PHLDB1: variants seen among roughly 807,000 people sequenced by gnomAD.
PHLDB1 encodes the protein pleckstrin homology-like domain family B member 1.
In PHLDB1, 65 loss-of-function variants were observed where a neutral mutation model predicts 139.3. The ratio of observed to expected loss-of-function variants is 0.47; its 90% CI spans 0.38 to 0.57. The LOEUF is 0.57. PHLDB1 is among the 20% of genes least tolerant of loss of function. The probability of loss-of-function intolerance (pLI) is 0.00; values close to 1 mark genes in which losing one functional copy is unlikely to be tolerated. For synonymous variants in PHLDB1, 679 were observed against 734.5 expected (o/e 0.92, Z 1.22); for missense variants, 1,624 against 1,839.7 (o/e 0.88, Z 2.14).
rs1941243342 is a variant in PHLDB1 at position 118,614,756 on chromosome 11, C to T, written c.184+74C>T. On this transcript the variant is annotated intron_variant, in intron 3 of 22. Coordinates refer to ENST00000600882, the MANE Select transcript of PHLDB1 (RefSeq NM_001144758.3). The stretch of plus-strand genomic sequence containing the variant: ...CATTCCTGCCCTGGAGGCCCACCTC[C>T]TGCATGTGTTGGGGCCCTTCTACTG... 2.0e-6 allele frequency: 3 copies of T among 1,503,838 alleles called. No individual in the cohort carries two copies. In the Admixed American group the frequency reaches 5.3e-5, roughly 27 times the overall value. The allele number at this position is 1,503,838 out of a possible 1,614,324, so 93.2% of individuals were successfully genotyped here.
intron 4 of PHLDB1, among the ~76,000 whole-genome samples, chr11:118,618,804 T>C (rs1942183380): frequency 6.6e-6 from 1 of 151,636 alleles, no homozygotes; most frequent in African/African-American, 2.4e-5. Flanking sequence ...TGGCCTTAGA[T>C]GCATCATTCT....
At chr11:118,643,775 A>C in intron 13 of PHLDB1, 25 bp from the exon 14 acceptor site, 1 of 1,614,072 alleles carries the variant, frequency 6.2e-7, no homozygotes, top group Non-Finnish European at 8.5e-7. Flanking sequence ...GCCAGGAATC[A>C]CTGGGCACTA....
rs1555111439 is a variant in PHLDB1 at position 118,632,025 on chromosome 11, A to G, written c.2213A>G (p.Glu738Gly). ...EQLKVRVKELEQQLQESAREA... is the reference protein window; with the variant it reads ...EQLKVRVKELGQQLQESAREA... ...CTCAAGGTCCGTGTGAAGGAGCTAG[A>G]GCAGCAGCTGCAGGAGTCAGCCCGA... Residue 738 changes from glutamate (E) to glycine (G), a missense_variant, in exon 8 of 23, where the codon GAG becomes GGG. Physicochemically the swap from Glu to Gly is moderately conservative, Grantham distance 98. Transcript: ENST00000600882. This position sits in a 1 kb window ranked among gnomAD's most constrained non-coding sequence, Gnocchi z 5.9. 4 of 1,614,070 alleles carry G rather than the reference A, an allele frequency of 2.5e-6. No homozygotes were observed.
intron 3 of PHLDB1, 98 bp from the exon 4 acceptor site, chr11:118,615,943 A>AG: frequency 2.1e-6 from 2 of 973,350 alleles, no homozygotes; most frequent in Non-Finnish European, 3.2e-6. Context: ...TCCCTGGAGT[A>AG]GGAGGTGGAA....
intron 20 of PHLDB1, chr11:118,655,166 A>C (rs1330481802): frequency 1.8e-5 from 3 of 168,790 alleles, no homozygotes; most frequent in African/African-American, 7.2e-5. Flanking sequence ...TGTGTGTGTT[A>C]CTTTGTATAT....
chr11:118,657,685 G>A lies in PHLDB1; in HGVS notation c.*862G>A, dbSNP rs189908348. 3 of 154,034 alleles carry A rather than the reference G, an allele frequency of 1.9e-5. No homozygotes were observed. The East Asian group carries it at 5.8e-4, about 30-fold the overall frequency. 9.5% of individuals were successfully genotyped at this position (154,034 alleles called of 1,614,324 possible). A position where few individuals can be genotyped will look rare whatever the true frequency, so the allele number is the denominator to read the frequency against. On this transcript the variant is annotated 3_prime_UTR_variant, in exon 23 of 23. Transcript: ENST00000600882. ...AGGAGCGATGCAGTTGGGAGAGGAA[G>A]CTAGAAGGGTTATGGTTGGAGTTCT...
At chr11:118,618,694 C>A (rs1282423199) in intron 4 of PHLDB1, among the ~76,000 whole-genome samples, 1 of 151,816 alleles carries the variant, frequency 6.6e-6, no homozygotes, top group Non-Finnish European at 1.5e-5. Flanking sequence ...ATATACAAGA[C>A]GATCATTTTC....
rs782775207 is a variant in PHLDB1 at position 118,627,484 on chromosome 11, C to T, written c.661C>T (p.Pro221Ser). 3.8e-5 allele frequency: 61 copies of T among 1,614,110 alleles called. No individual in the cohort carries two copies. Among genetic ancestry groups the T allele is most frequent in the African/African-American group, 5.3e-5 (4 of 74,930 alleles). The stretch of plus-strand genomic sequence containing the variant: ...TGGCAAGAAGCCTGCCGCAACCTCT[C>T]CACTGTCACCGATGGCTAATGGTGG... The part of the protein sequence containing the change: ...AAGKKPAATS[P>S]LSPMANGGRY... The change falls in exon 6 of 23, where the codon CCA becomes TCA. Residue 221 changes from proline (P) to serine (S), a missense_variant. Pro to Ser is a moderately conservative substitution (Grantham distance 74). Transcript: ENST00000600882.
chr11:118,606,452 GAATTA>G (rs1939308204), upstream of PHLDB1: 1 of 152,226 alleles, frequency 6.6e-6, no homozygotes, highest in East Asian at 1.9e-4. Flanking sequence ...TAAACTCATT[GAATTA>G]GAACAGCACT....
Position 118,645,743 on chromosome 11 carries a change from G to A in PHLDB1, c.3425G>A (p.Gly1142Asp). 6.2e-7 allele frequency: 1 copy of A among 1,613,542 alleles called. No homozygotes were observed. Among genetic ancestry groups the A allele is most frequent in the Non-Finnish European group, 8.5e-7 (1 of 1,179,490 alleles). The change falls in exon 17 of 23, where the codon GGT (glycine) becomes GAT (aspartate). Residue 1142 changes from glycine (G) to aspartate (D), a missense_variant. Coordinates refer to ENST00000600882, the MANE Select transcript of PHLDB1 (RefSeq NM_001144758.3). The surrounding 1 kb of genome is among the most constrained non-coding windows in gnomAD (Gnocchi z 5.1). ...TCCCCTTCTCTCCCCAGCGCGAGTG[G>A]TCTGGACATGGGGAAGATCGAGGAG... ...CSPDNMSSAS[G>D]LDMGKIEEME...
In PHLDB1 at chr11:118,639,258, T is replaced by C; in HGVS notation, c.2736+7T>C. 6.2e-7 allele frequency: 1 copy of C among 1,608,880 alleles called. No homozygotes were observed. The highest frequency in any genetic ancestry group is 8.5e-7 in the Non-Finnish European group (1 of 1,175,206). On this transcript the variant is annotated splice_region_variant and intron_variant, in intron 12 of 22. Transcript: ENST00000600882. The stretch of plus-strand genomic sequence containing the variant: ...CACATCGACCCTCAAAGAGGTATCA[T>C]GATTGGATTAGCCCCAGCTTCAGGC...
intron 12 of PHLDB1, chr11:118,639,476 A>C: frequency 1.3e-5 from 7 of 547,146 alleles, no homozygotes; most frequent in South Asian, 2.1e-5. Flanking sequence ...TACAGATTTC[A>C]CTGTTTTTGG....
intron 4 of PHLDB1, chr11:118,621,631 G>A (rs1258049038): frequency 1.3e-5 from 2 of 152,266 alleles, no homozygotes; most frequent in Non-Finnish European, 2.9e-5. Context: ...GGGTGGGCGG[G>A]AGGAGGTGCA....
At chr11:118,649,142 T>C (rs1947988927) in intron 18 of PHLDB1, among the ~76,000 whole-genome samples, 1 of 151,956 alleles carries the variant, frequency 6.6e-6, no homozygotes, top group African/African-American at 2.4e-5. Flanking sequence ...TAGCTGGGCG[T>C]GGTTTCACAC....
chr11:118,650,574 G>A lies in PHLDB1; in HGVS notation c.3874+27G>A. 2 of 1,488,306 alleles carry A rather than the reference G, an allele frequency of 1.3e-6. No individual in the cohort carries two copies. Among genetic ancestry groups the A allele is most frequent in the Non-Finnish European group, 1.9e-6 (2 of 1,065,384 alleles). 92.2% of individuals were successfully genotyped at this position (1,488,306 alleles called of 1,614,324 possible). On this transcript the variant is annotated intron_variant, in intron 20 of 22. Transcript: ENST00000600882. The surrounding 1 kb of genome is among the most constrained non-coding windows in gnomAD (Gnocchi z 4.7). ...TGAGTTCCCACAAGGCCACCCTGGG[G>A]GCCAGCCAGGATCCCTGGGCTCTGT...
chr11:118,635,027 A>C, intron 9 of PHLDB1: 7 of 481,902 alleles, frequency 1.5e-5, no homozygotes, highest in Non-Finnish European at 1.6e-5. Context: ...CAGTGCGGGA[A>C]CAGTTACAGG....
intron 12 of PHLDB1, 168 bp from the exon 13 acceptor site, chr11:118,642,086 T>G: frequency 1.4e-6 from 1 of 718,836 alleles, no homozygotes. Context: ...TTCCTTCACC[T>G]TCCTGTCCAT....
Position 118,645,257 on chromosome 11 carries a change from T to C in PHLDB1, c.3122-99T>C. 1 of 897,824 alleles carries C rather than the reference T, an allele frequency of 1.1e-6. No individual in the cohort carries two copies. Among genetic ancestry groups the C allele is most frequent in the Non-Finnish European group, 1.7e-6 (1 of 605,052 alleles). 55.6% of individuals were successfully genotyped at this position (897,824 alleles called of 1,614,324 possible). On this transcript the variant is annotated intron_variant, in intron 15 of 22. Coordinates refer to ENST00000600882, the MANE Select transcript of PHLDB1 (RefSeq NM_001144758.3). This position sits in a 1 kb window ranked among gnomAD's most constrained non-coding sequence, Gnocchi z 5.1. ...GAGAGGGGGCTGCTCTGTGTTAACC[T>C]CTCCCTGCTTGCCCCTCCCTCTGTG...
Position 118,628,613 on chromosome 11 carries a change from G to A in PHLDB1, c.1790G>A (p.Arg597His), listed in dbSNP as rs782820254. Residue 597 changes from arginine (R) to histidine (H), a missense_variant, in exon 6 of 23, where the codon CGC becomes CAC. Transcript: ENST00000600882. ...CTCCTGGAGTACCACCGGCGACAGC[G>A]CCAAGAGCGGCTCCGGGAGCAGGAG... ...DDLLEYHRRQRQERLREQEME... is the reference protein window; with the variant it reads ...DDLLEYHRRQHQERLREQEME... 8.1e-6 allele frequency: 13 copies of A among 1,612,146 alleles called. No homozygotes were observed. The highest frequency in any genetic ancestry group is 1.7e-5 in the Admixed American group (1 of 59,900).
Sources: gnomAD v4.1 joint callset for allele counts (sites outside exome capture counted in the v4.1 genomes callset) on GRCh38, gnomAD v4.1.1 for gene constraint, Gnocchi (gnomAD v3.1) non-coding constraint, MANE v1.5 for transcripts, NCBI Gene and HGNC (gene_info 2026-07-23, HGNC 2026-07-21) for gene names.